Variants in RPTOR observed in about 807,000 individuals in gnomAD.
The protein encoded by RPTOR is regulatory-associated protein of mTOR.
RPTOR carries 21 observed loss-of-function variants against 169.9 expected under a neutral mutation model. The observed-to-expected ratio is 0.12, with a 90% CI of 0.09 to 0.18. The LOEUF is 0.18. Ranked by LOEUF, RPTOR falls within the 10% of genes least tolerant of loss-of-function variation. The pLI is 1.00. For missense variants in RPTOR, 1,133 were observed against 1,855.9 expected (o/e 0.61, Z 7.16); for synonymous variants, 732 against 753.2 (o/e 0.97, Z 0.46).
At chr17:80,825,492 G>C (rs1182932040) in intron 9 of RPTOR, among the ~76,000 whole-genome samples, 2 of 152,240 alleles carry the variant, frequency 1.3e-5, no homozygotes, top group African/African-American at 4.8e-5. Flanking sequence ...TCTAGGCCTA[G>C]CTGCAGCCTC....
In RPTOR at chr17:80,673,135, C is replaced by T. The variant is rs544389274; in HGVS notation, c.348+29325C>T. Among the ~76,000 whole-genome samples, 3 of 152,230 alleles carry T rather than the reference C, an allele frequency of 2.0e-5. No individual in the cohort carries two copies. The East Asian group carries it at 5.8e-4, about 30-fold the overall frequency. ...AGAGATGCGGTTTCACCATGTTGGC[C>T]AGATTGGTGTCAAATTCCTGACCTC... On this transcript the variant is annotated intron_variant, in intron 3 of 33. Coordinates refer to ENST00000306801, the MANE Select transcript of RPTOR (RefSeq NM_020761.3).
intron 13 of RPTOR, among the ~76,000 whole-genome samples, chr17:80,858,276 C>T (rs2067878158): frequency 2.0e-5 from 3 of 152,236 alleles, no homozygotes; most frequent in African/African-American, 7.2e-5. Flanking sequence ...ATAAACTTGG[C>T]CTCTGCCTCG....
At chr17:80,694,907 C>A (rs1406364280) in intron 3 of RPTOR, among the ~76,000 whole-genome samples, 1 of 152,174 alleles carries the variant, frequency 6.6e-6, no homozygotes, top group Non-Finnish European at 1.5e-5. Context: ...GCCAGAGACT[C>A]AGCACCACGG....
intron 20 of RPTOR, among the ~76,000 whole-genome samples, chr17:80,897,133 C>T (rs2068416613): frequency 6.6e-6 from 1 of 151,884 alleles, no homozygotes; most frequent in Non-Finnish European, 1.5e-5. Flanking sequence ...TGGTGGTGCG[C>T]ACCTGTAGTC....
chr17:80,957,842 T>C lies in RPTOR; in HGVS notation c.3477+112T>C, dbSNP rs1283345759. 3.2e-5 allele frequency: 30 copies of C among 945,648 alleles called. 1 individual carries two copies. In the Admixed American group the frequency reaches 5.3e-4, roughly 17 times the overall value. The allele number at this position is 945,648 out of a possible 1,614,324, so 58.6% of individuals were successfully genotyped here. On this transcript the variant is annotated intron_variant, in intron 29 of 33. Transcript: ENST00000306801. This position sits in a 1 kb window ranked among gnomAD's most constrained non-coding sequence, Gnocchi z 4.6. ...CGGTGAGGCCTGGCCATCCCAGGGG[T>C]GGAGTCAGGGCCTGGGAGGACAGTG...
At chr17:80,896,375 C>CCA (rs879792789) in intron 20 of RPTOR, among the ~76,000 whole-genome samples, 17,709 of 137,774 alleles carry the variant, frequency 0.13, 3,768 homozygotes, top group South Asian at 0.15. Flanking sequence ...CCCCGACACC[C>CCA]CACGCGGCCT....
chr17:80,932,831 A>G (rs527316673), intron 24 of RPTOR, among the ~76,000 whole-genome samples: 1 of 152,324 alleles, frequency 6.6e-6, no homozygotes, highest in Admixed American at 6.5e-5. Flanking sequence ...ACACACACAT[A>G]TACACACACA....
At chr17:80,672,714 T>A (rs1164339464) in intron 3 of RPTOR, among the ~76,000 whole-genome samples, 2 of 151,938 alleles carry the variant, frequency 1.3e-5, no homozygotes, top group South Asian at 4.2e-4. Context: ...GGCGTGAACT[T>A]GGGAGGTGAA....
chr17:80,884,523 G>A (rs1049621532), intron 16 of RPTOR, among the ~76,000 whole-genome samples: 1 of 152,198 alleles, frequency 6.6e-6, no homozygotes, highest in Non-Finnish European at 1.5e-5. Context: ...GGACCACATG[G>A]TGTCAGAGGC....
chr17:80,795,520 T>C (rs534598601), intron 7 of RPTOR, among the ~76,000 whole-genome samples: 230 of 152,228 alleles, frequency 1.5e-3, no homozygotes, highest in African/African-American at 5.2e-3. Context: ...CCCCTTCTCC[T>C]GTGCCAAGTG....
intron 3 of RPTOR, among the ~76,000 whole-genome samples, chr17:80,649,041 G>C (rs1468955643): frequency 2.0e-5 from 3 of 152,182 alleles, no homozygotes; most frequent in Non-Finnish European, 4.4e-5. Context: ...CCCAGTCTTG[G>C]TTATGTCTTT....
chr17:80,634,588 C>CTG (rs1352512288), intron 2 of RPTOR, among the ~76,000 whole-genome samples: 3 of 28,120 alleles, frequency 1.1e-4, no homozygotes, highest in South Asian at 1.9e-3. Flanking sequence ...TGTGTGCGTA[C>CTG]TGTGTGTGTG....
At chr17:80,925,571 G>T in intron 24 of RPTOR, 91 bp downstream of exon 24, 1 of 1,041,900 alleles carries the variant, frequency 9.6e-7, no homozygotes, top group Admixed American at 1.9e-5. Context: ...GCTTGTGGCT[G>T]TGGGAGCGTC....
chr17:80,631,446 A>G (rs1479328144), intron 2 of RPTOR, among the ~76,000 whole-genome samples: 2 of 152,108 alleles, frequency 1.3e-5, no homozygotes, highest in Non-Finnish European at 2.9e-5. Flanking sequence ...TCGAGGACAC[A>G]TTACCATCTT....
In RPTOR at chr17:80,633,800, A is replaced by G. The variant is rs1235685127; in HGVS notation, c.265+8007A>G. ...TTTTCATTCAGTGGATTTAGAATCC[A>G]GTGTTATCCTTTGGTGCCGAGCTTG... On this transcript the variant is annotated intron_variant, in intron 2 of 33. Coordinates refer to ENST00000306801, the MANE Select transcript of RPTOR (RefSeq NM_020761.3). The surrounding 1 kb of genome is among the most constrained non-coding windows in gnomAD (Gnocchi z 4.1). Among the ~76,000 whole-genome samples the G allele has an allele frequency of 6.6e-6, 1 of 152,198 alleles. No homozygotes were observed. Among genetic ancestry groups the G allele is most frequent in the African/African-American group, 2.4e-5 (1 of 41,434 alleles).
chr17:80,920,203 G>T (rs574880509), intron 21 of RPTOR, among the ~76,000 whole-genome samples: 153 of 152,360 alleles, frequency 1.0e-3, no homozygotes, highest in African/African-American at 3.2e-3. Context: ...CAGGCAGGCA[G>T]GTCTGCCAGG....
At chr17:80,575,014 GTTTGT>G (rs1383812012) in intron 1 of RPTOR, among the ~76,000 whole-genome samples, 1 of 149,136 alleles carries the variant, frequency 6.7e-6, no homozygotes, top group Non-Finnish European at 1.5e-5. Context: ...CTTTCCTTGG[GTTTGT>G]TTTATTACCT....
chr17:80,613,626 C>T (rs1485110642), intron 1 of RPTOR, among the ~76,000 whole-genome samples: 5 of 149,740 alleles, frequency 3.3e-5, no homozygotes, highest in African/African-American at 1.3e-4. Flanking sequence ...CAGGTGCTCT[C>T]TATGGTTGAA....
intron 21 of RPTOR, among the ~76,000 whole-genome samples, chr17:80,916,657 A>G (rs1159682425): frequency 2.6e-5 from 4 of 152,264 alleles, no homozygotes; most frequent in African/African-American, 9.6e-5. Flanking sequence ...CAAGGATCCC[A>G]TGACATTTTG....
Sources: allele counts gnomAD v4.1 joint callset (sites outside exome capture counted in the v4.1 genomes callset), GRCh38; gene constraint gnomAD v4.1.1; non-coding constraint Gnocchi (gnomAD v3.1); transcripts MANE v1.5; gene names NCBI Gene and HGNC (gene_info 2026-07-23, HGNC 2026-07-21).